Variants in CALN1 observed in about 807,000 individuals in gnomAD.
CALN1 encodes calneuron 1, also known as calcium-binding protein 8.
A neutral mutation model predicts 30.6 loss-of-function variants in CALN1; 17 were observed. That is an observed-to-expected ratio of 0.56 (90% CI 0.38 to 0.83). The LOEUF is 0.83. Ranked by LOEUF, CALN1 falls within the 40% of genes least tolerant of loss-of-function variation. CALN1 has a pLI of 0.00. For missense variants in CALN1, 291 were observed against 354.9 expected, an observed-to-expected ratio of 0.82 and a Z score of 1.45; for synonymous variants, 156 against 131.4, an observed-to-expected ratio of 1.19 and a Z score of -1.28.
intron 5 of CALN1, among the ~76,000 whole-genome samples, chr7:71,811,162 G>C (rs1219175176): frequency 6.6e-6 from 1 of 152,000 alleles, no homozygotes; most frequent in Non-Finnish European, 1.5e-5. Context: ...CTCCCAAAGT[G>C]CTAGGATTAC....
chr7:72,144,933 G>C (rs1046008228), intron 3 of CALN1, among the ~76,000 whole-genome samples: 1 of 151,872 alleles, frequency 6.6e-6, no homozygotes, highest in Non-Finnish European at 1.5e-5. Flanking sequence ...CGAGAACAAA[G>C]ACACAACATA....
At chr7:71,910,049 C>T in intron 5 of CALN1, among the ~76,000 whole-genome samples, 1 of 147,184 alleles carries the variant, frequency 6.8e-6, no homozygotes, top group East Asian at 2.0e-4. Context: ...TTTATAAAAC[C>T]ATCAGATCTC....
chr7:72,054,458 C>CATAT (rs140183098), intron 4 of CALN1, among the ~76,000 whole-genome samples: 1 of 129,074 alleles, frequency 7.7e-6, no homozygotes, highest in African/African-American at 3.1e-5. Context: ...CATATATATA[C>CATAT]ATATATATAC....
At chr7:72,459,429 A>G in the CALN1 span, among the ~76,000 whole-genome samples, 1 of 152,124 alleles carries the variant, frequency 6.6e-6, no homozygotes, top group Non-Finnish European at 1.5e-5. Flanking sequence ...GACATTGCCA[A>G]AATTTTCTAG....
rs2116997712 is a variant in CALN1, at chr7:71,910,534, C to T, written c.502-100042G>A. ...GATGAACCAAGTTGGGCCAACTGCA[C>T]CCTCTCTCCAGGGTATCAAATCCAC... On this transcript the variant is annotated intron_variant, in intron 5 of 6. Transcript: ENST00000395275. Among the ~76,000 whole-genome samples the T allele has an allele frequency of 1.3e-5, 2 of 152,304 alleles. 1 individual carries two copies. Among genetic ancestry groups the T allele is most frequent in the South Asian group, 4.1e-4 (2 of 4,824 alleles).
intron 4 of CALN1, among the ~76,000 whole-genome samples, chr7:72,054,522 T>C (rs867989151): frequency 1.7e-5 from 2 of 116,202 alleles, no homozygotes; most frequent in African/African-American, 6.4e-5. Context: ...TATATATACA[T>C]ATATACATAC....
chr7:72,352,206 T>C (rs1247175356), intron 2 of CALN1, among the ~76,000 whole-genome samples: 1 of 151,358 alleles, frequency 6.6e-6, no homozygotes, highest in Non-Finnish European at 1.5e-5. Flanking sequence ...TTTGAGATTT[T>C]AAAGTTATCC....
At chr7:71,834,048 C>T (rs1171829192) in intron 5 of CALN1, among the ~76,000 whole-genome samples, 3 of 151,294 alleles carry the variant, frequency 2.0e-5, no homozygotes, top group Non-Finnish European at 4.4e-5. Context: ...ATGGTGAAAC[C>T]CCATCTCTAC....
chr7:72,471,724 G>A, the CALN1 span, among the ~76,000 whole-genome samples: 1,366 of 152,290 alleles, frequency 9.0e-3, 22 homozygotes, highest in African/African-American at 0.031. Context: ...TCCCAACATC[G>A]GTTAGGTGTT....
At chr7:72,499,404 T>C in the CALN1 span, among the ~76,000 whole-genome samples, 1 of 152,258 alleles carries the variant, frequency 6.6e-6, no homozygotes, top group Middle Eastern at 3.4e-3. Flanking sequence ...TATTAATTAA[T>C]AATTGATTGA....
At chr7:72,079,761 C>CTTTTTTTTTTTTTTTTTTTTTTTT in intron 4 of CALN1, among the ~76,000 whole-genome samples, 1 of 104,046 alleles carries the variant, frequency 9.6e-6, no homozygotes, top group Middle Eastern at 6.2e-3. Context: ...TGCCTTTTTC[C>CTTTTTTTTTTTTTTTTTTTTTTTT]TTTTTTTTTT....
At chr7:71,988,504 C>T (rs1412892175) in intron 5 of CALN1, among the ~76,000 whole-genome samples, 3 of 152,188 alleles carry the variant, frequency 2.0e-5, no homozygotes, top group Non-Finnish European at 4.4e-5. Context: ...TTTCATTCTA[C>T]ATCCTTTCTC....
At chr7:72,407,130 T>C (rs993697644) in intron 1 of CALN1, among the ~76,000 whole-genome samples, 5 of 152,176 alleles carry the variant, frequency 3.3e-5, no homozygotes, top group African/African-American at 1.2e-4. Flanking sequence ...GGTGAAGTAA[T>C]ATTGTTAAGA....
At chr7:71,978,542 G>A (rs952724040) in intron 5 of CALN1, among the ~76,000 whole-genome samples, 4 of 152,140 alleles carry the variant, frequency 2.6e-5, no homozygotes, top group African/African-American at 9.7e-5. Context: ...CCAAAGTGCT[G>A]GGATTACAGG....
At chr7:71,950,098 C>T (rs1796612891) in intron 5 of CALN1, among the ~76,000 whole-genome samples, 1 of 152,108 alleles carries the variant, frequency 6.6e-6, no homozygotes, top group African/African-American at 2.4e-5. Context: ...TTTGTTGCTT[C>T]ATTCCTTCCT....
intron 3 of CALN1, among the ~76,000 whole-genome samples, chr7:72,263,488 T>G (rs1377106480): frequency 6.6e-6 from 1 of 152,154 alleles, no homozygotes; most frequent in African/African-American, 2.4e-5. Context: ...CTCAAATTCC[T>G]GGGCTCACAC....
intron 6 of CALN1, among the ~76,000 whole-genome samples, chr7:71,790,156 GAAAGAA>G (rs10616699): frequency 0.34 from 48,877 of 142,188 alleles, 8,223 homozygotes; most frequent in East Asian, 0.6. Context: ...AGAAGAAAGA[GAAAGAA>G]AAAGAAAAAG....
intron 3 of CALN1, among the ~76,000 whole-genome samples, chr7:72,258,189 T>A (rs1054448581): frequency 6.6e-6 from 1 of 152,228 alleles, no homozygotes; most frequent in Non-Finnish European, 1.5e-5. Context: ...AAGTTCAGTG[T>A]GATTTCACAA....
At chr7:71,839,396 G>A (rs1789807205) in intron 5 of CALN1, among the ~76,000 whole-genome samples, 1 of 152,134 alleles carries the variant, frequency 6.6e-6, no homozygotes, top group Admixed American at 6.5e-5. Flanking sequence ...GCTCGGCATG[G>A]TGGCACACAC....
Sources: gnomAD v4.1 joint callset for allele counts (sites outside exome capture counted in the v4.1 genomes callset) on GRCh38, gnomAD v4.1.1 for gene constraint, MANE v1.5 for transcripts, NCBI Gene and HGNC (gene_info 2026-07-23, HGNC 2026-07-21) for gene names.